Variants in GNL3L observed in about 807,000 individuals in gnomAD.
GNL3L encodes guanine nucleotide-binding protein-like 3-like protein.
In GNL3L, 4 loss-of-function variants were observed where a neutral mutation model predicts 42.9. The ratio of observed to expected loss-of-function variants is 0.09; its 90% CI spans 0.05 to 0.21. GNL3L has a LOEUF of 0.21. GNL3L is among the 10% of genes least tolerant of loss of function. The pLI is 1.00. For missense variants in GNL3L, 412 were observed against 481.7 expected, an observed-to-expected ratio of 0.86 and a Z score of 1.36; for synonymous variants, 159 against 176.3, an observed-to-expected ratio of 0.90 and a Z score of 0.78.
At chrX:54,573,099 C>G (rs1332468771) in intron 16 of GNL3L, among the ~76,000 whole-genome samples, 4 of 108,066 alleles carry the variant, frequency 3.7e-5, no homozygotes, top group African/African-American at 1.4e-4. Flanking sequence ...ACATCCCAGA[C>G]GATGGGTGGC....
chrX:54,630,728 C>CTT, the GNL3L span, among the ~76,000 whole-genome samples: 4 of 78,333 alleles, frequency 5.1e-5, no homozygotes, highest in African/African-American at 7.4e-5. Context: ...TTCTTTCTTT[C>CTT]TTTCTTTCTT....
At chrX:54,630,711 T>C in the GNL3L span, among the ~76,000 whole-genome samples, 41 of 61,684 alleles carry the variant, frequency 6.6e-4, no homozygotes, top group African/African-American at 3.0e-3. Context: ...TCTTTCTTTT[T>C]CTTTCTTTCT....
chrX:54,567,968 C>CTTTT (rs537874465), downstream of GNL3L, among the ~76,000 whole-genome samples: 3 of 95,089 alleles, frequency 3.2e-5, no homozygotes, highest in Non-Finnish European at 4.2e-5. Context: ...ATGTATTATT[C>CTTTT]TTTTTTTTTT....
intron 15 of GNL3L, among the ~76,000 whole-genome samples, chrX:54,559,761 A>C (rs1044769952): frequency 1.8e-5 from 2 of 111,744 alleles, no homozygotes; most frequent in Non-Finnish European, 3.8e-5. Flanking sequence ...ATGGAGCCAA[A>C]ATACAGACTT....
chrX:54,611,255 C>A (rs1309885703), intron 16 of GNL3L, among the ~76,000 whole-genome samples: 2 of 111,690 alleles, frequency 1.8e-5, no homozygotes, highest in African/African-American at 6.5e-5. Flanking sequence ...CTTGGTTAAT[C>A]TTGCTAATGG....
chrX:54,624,915 AT>A, downstream of GNL3L, among the ~76,000 whole-genome samples: 1 of 111,370 alleles, frequency 9.0e-6, no homozygotes, highest in East Asian at 2.8e-4. Flanking sequence ...GTTATTTCCA[AT>A]TTTCCCTTAT....
At chrX:54,630,415 C>T in the GNL3L span, among the ~76,000 whole-genome samples, 14 of 109,856 alleles carry the variant, frequency 1.3e-4, no homozygotes, top group Non-Finnish European at 2.3e-4. Context: ...CTCTTAGCAC[C>T]ACTTTTGCCA....
downstream of GNL3L, among the ~76,000 whole-genome samples, chrX:54,623,546 C>T (rs180811629): frequency 3.4e-3 from 384 of 111,995 alleles, 1 homozygote; most frequent in Middle Eastern, 0.014. Flanking sequence ...TACAGGCGCG[C>T]GCCACTGTGC....
chrX:54,604,398 C>T (rs1482734524), intron 16 of GNL3L, among the ~76,000 whole-genome samples: 1 of 111,641 alleles, frequency 9.0e-6, no homozygotes, highest in Non-Finnish European at 1.9e-5. Flanking sequence ...GACTCCAGGA[C>T]CTACCTATGT....
chrX:54,590,276 G>A (rs1486184020), intron 16 of GNL3L, among the ~76,000 whole-genome samples: 2 of 112,191 alleles, frequency 1.8e-5, no homozygotes, highest in East Asian at 5.6e-4. Context: ...ATATCTCATT[G>A]TAGTTTTGAT....
At chrX:54,588,393 A>G (rs1472649774) in intron 16 of GNL3L, among the ~76,000 whole-genome samples, 1 of 111,961 alleles carries the variant, frequency 8.9e-6, no homozygotes, top group African/African-American at 3.2e-5. Context: ...ATCTATTACT[A>G]TTTTTTCTGA....
At chrX:54,598,683 CAT>C (rs1446694370) in intron 16 of GNL3L, among the ~76,000 whole-genome samples, 9 of 111,012 alleles carry the variant, frequency 8.1e-5, no homozygotes, top group African/African-American at 2.0e-4. Flanking sequence ...TAAGTAGAGA[CAT>C]ATAAATTCTT....
rs186094275 is a variant in GNL3L at position 54,532,545 on chromosome X, A to G, written c.-22A>G. 11 of 1,179,662 alleles carry G rather than the reference A, an allele frequency of 9.3e-6. No individual in the cohort carries two copies. Among genetic ancestry groups the G allele is most frequent in the African/African-American group, 7.0e-5 (4 of 57,166 alleles). ...GAAGAGAGCAAGCAGATTTGAACCTATCTGCTTTCAAGCTGGTCATCATGA... is the reference window on the plus strand; with the variant it reads ...GAAGAGAGCAAGCAGATTTGAACCTGTCTGCTTTCAAGCTGGTCATCATGA... On this transcript the variant is annotated 5_prime_UTR_variant, in exon 2 of 16. Coordinates refer to ENST00000360845, the MANE Select transcript of GNL3L (RefSeq NM_001184819.2).
chrX:54,616,583 T>TC (rs1473672681), intron 16 of GNL3L, among the ~76,000 whole-genome samples: 5 of 111,531 alleles, frequency 4.5e-5, no homozygotes, highest in African/African-American at 9.8e-5. Context: ...TTTAGTTTTT[T>TC]CCCCCCCTGA....
the GNL3L span, among the ~76,000 whole-genome samples, chrX:54,638,247 T>G: frequency 9.0e-6 from 1 of 111,399 alleles, no homozygotes; most frequent in Non-Finnish European, 1.9e-5. Flanking sequence ...GACAAGATCC[T>G]GGGTGCCAGA....
At chrX:54,534,178 GTT>G (rs61357185) in intron 2 of GNL3L, among the ~76,000 whole-genome samples, 1 of 97,169 alleles carries the variant, frequency 1.0e-5, no homozygotes, top group African/African-American at 3.9e-5. Context: ...ACCACACCTG[GTT>G]TTTTTTTTTT....
chrX:54,553,715 A>G (rs904098940), intron 13 of GNL3L, among the ~76,000 whole-genome samples: 2 of 110,143 alleles, frequency 1.8e-5, no homozygotes, highest in South Asian at 7.6e-4. Flanking sequence ...AATTTTTTTT[A>G]TTTTTAGTAG....
intron 2 of GNL3L, among the ~76,000 whole-genome samples, chrX:54,536,606 G>A (rs1000304288): frequency 1.8e-3 from 193 of 108,801 alleles, no homozygotes; most frequent in Non-Finnish European, 2.7e-3. Context: ...CCAACATGGC[G>A]AAACCCCGTC....
intron 16 of GNL3L, among the ~76,000 whole-genome samples, chrX:54,572,567 T>G (rs1231394567): frequency 9.0e-6 from 1 of 110,894 alleles, no homozygotes; most frequent in Non-Finnish European, 1.9e-5. Flanking sequence ...GCTCCTCACT[T>G]CCCAGTAGGG....
Sources: gnomAD v4.1 joint callset for allele counts (sites outside exome capture counted in the v4.1 genomes callset) on GRCh38, gnomAD v4.1.1 for gene constraint, MANE v1.5 for transcripts, NCBI Gene and HGNC (gene_info 2026-07-23, HGNC 2026-07-21) for gene names.